The following TCF4 variants were observed in gnomAD, a reference collection of about 807,000 sequenced individuals.
TCF4 encodes SL3-3 enhancer factor 2.
Under a neutral mutation model 82.1 loss-of-function variants are expected in TCF4, and 3 were observed. The observed-to-expected ratio is 0.04, with a 90% CI of 0.02 to 0.09. TCF4 has a LOEUF of 0.09. Among genes scored for constraint, TCF4 ranks in the 10% least tolerant of loss-of-function variants. The pLI, the probability that TCF4 is intolerant of heterozygous loss-of-function variation, is 1.00. For missense variants in TCF4, 518 were observed against 852.7 expected, an observed-to-expected ratio of 0.61 and a Z score of 4.89; for synonymous variants, 276 against 309.6, an observed-to-expected ratio of 0.89 and a Z score of 1.14.
chr18:55,288,811 A>C lies in TCF4; in HGVS notation c.550-9155T>G, dbSNP rs1438778826. Among the ~76,000 whole-genome samples, 3 of 152,352 alleles carry C rather than the reference A, an allele frequency of 2.0e-5. No homozygotes were observed. The East Asian group carries it at 5.8e-4, about 29-fold the overall frequency. On this transcript the variant is annotated intron_variant, in intron 8 of 19. Transcript: ENST00000354452. The stretch of plus-strand genomic sequence containing the variant: ...TATTACTAGAGACAGAGAGAGGCTA[A>C]GTAACCGGCTGAGAGTTACACTAGG...
chr18:55,265,436 T>C (rs964079757), intron 11 of TCF4: 1 of 152,134 alleles, frequency 6.6e-6, no homozygotes, highest in East Asian at 1.9e-4. Flanking sequence ...TAGACTACAA[T>C]GCACTATTTT....
chr18:55,269,780 T>G, intron 11 of TCF4, 51 bp downstream of exon 11: 1 of 1,611,372 alleles, frequency 6.2e-7, no homozygotes, highest in Non-Finnish European at 8.5e-7. Context: ...CCTTGATGAT[T>G]AAACTCTGAC....
chr18:55,358,127 A>G (rs1416435641), intron 6 of TCF4, among the ~76,000 whole-genome samples: 1 of 152,258 alleles, frequency 6.6e-6, no homozygotes, highest in Admixed American at 6.5e-5. Context: ...TATGGCAGCT[A>G]AAAGAGGAAA....
intron 8 of TCF4, among the ~76,000 whole-genome samples, chr18:55,343,564 A>G (rs1202127568): frequency 2.6e-5 from 4 of 152,162 alleles, no homozygotes; most frequent in Non-Finnish European, 5.9e-5. Context: ...AGTGAAATCT[A>G]TCCATCTCAC....
intron 8 of TCF4, among the ~76,000 whole-genome samples, chr18:55,305,082 T>C (rs1391500167): frequency 6.6e-6 from 1 of 152,152 alleles, no homozygotes; most frequent in Non-Finnish European, 1.5e-5. Context: ...AATAAATCTA[T>C]CTGCTAAAGC....
At chr18:55,301,676 G>A (rs756089590) in intron 8 of TCF4, among the ~76,000 whole-genome samples, 9 of 150,860 alleles carry the variant, frequency 6.0e-5, no homozygotes, top group East Asian at 2.0e-4. Flanking sequence ...GCACAGAACC[G>A]TGTAAACACT....
intron 15 of TCF4, 30 bp from the exon 16 acceptor site, chr18:55,234,713 A>G (rs377024911): frequency 1.1e-5 from 17 of 1,613,676 alleles, no homozygotes; most frequent in Non-Finnish European, 1.4e-5. Flanking sequence ...CAGAGAGGTG[A>G]GCAGGAACCG....
Position 55,359,562 on chromosome 18 carries a change from T to C in TCF4, c.370-8559A>G, listed in dbSNP as rs721453. On this transcript the variant is annotated intron_variant, in intron 6 of 19. Transcript: ENST00000354452. Reference sequence around the variant, plus strand: ...ACTGGATAAAATAATTTATTAGCTATGGAAGATGCTTGCATGATTTCAACC... The same window carrying C: ...ACTGGATAAAATAATTTATTAGCTACGGAAGATGCTTGCATGATTTCAACC... Among the ~76,000 whole-genome samples, 1,101 of 152,328 alleles carry C rather than the reference T, an allele frequency of 7.2e-3. 7 individuals are homozygous for C. The highest frequency in any genetic ancestry group is 0.011 in the Non-Finnish European group (739 of 68,028).
At chr18:55,512,297 T>C (rs997728160) in intron 3 of TCF4, among the ~76,000 whole-genome samples, 1 of 152,192 alleles carries the variant, frequency 6.6e-6, no homozygotes, top group African/African-American at 2.4e-5. Flanking sequence ...ATCCATGTGA[T>C]GGAATATTAC....
intron 2 of TCF4, among the ~76,000 whole-genome samples, chr18:55,597,439 C>A (rs1469892479): frequency 6.6e-6 from 1 of 151,960 alleles, no homozygotes; most frequent in African/African-American, 2.4e-5. Context: ...CTGAGGTGGG[C>A]GGATCACCTG....
chr18:55,415,328 T>C (rs1279831338), intron 5 of TCF4, among the ~76,000 whole-genome samples: 1 of 152,168 alleles, frequency 6.6e-6, no homozygotes, highest in Non-Finnish European at 1.5e-5. Flanking sequence ...GCTACAACTT[T>C]ATAATCATGG....
Position 55,304,497 on chromosome 18 carries a change from T to C in TCF4, c.550-24841A>G, listed in dbSNP as rs8093423. Among the ~76,000 whole-genome samples the C allele has an allele frequency of 3.2e-3, 484 of 152,226 alleles. 4 individuals carry two copies. The highest frequency in any genetic ancestry group is 0.011 in the African/African-American group (449 of 41,540). On this transcript the variant is annotated intron_variant, in intron 8 of 19. Transcript: ENST00000354452. ...ACCACTATAGACTGAGGAGATTATA[T>C]GAAAAACAATATCATGCATTTCTTG...
chr18:55,563,238 C>CAAAAA (rs74182105), intron 3 of TCF4, among the ~76,000 whole-genome samples: 1 of 68,162 alleles, frequency 1.5e-5, no homozygotes, highest in Non-Finnish European at 2.8e-5. Flanking sequence ...GACCCTGTCT[C>CAAAAA]AAAAAAAAAA....
At chr18:55,628,278 A>G (rs1367728914) in intron 2 of TCF4, among the ~76,000 whole-genome samples, 1 of 152,162 alleles carries the variant, frequency 6.6e-6, no homozygotes, top group Non-Finnish European at 1.5e-5. Context: ...TCATGTGTAC[A>G]TATGGGAATT....
chr18:55,558,786 T>A (rs2097328399), intron 3 of TCF4, among the ~76,000 whole-genome samples: 1 of 152,134 alleles, frequency 6.6e-6, no homozygotes, highest in South Asian at 2.1e-4. Flanking sequence ...CTTATTTAGG[T>A]CACTCTCCAA....
intron 3 of TCF4, among the ~76,000 whole-genome samples, chr18:55,524,363 A>T (rs965551373): frequency 7.4e-5 from 11 of 148,524 alleles, no homozygotes; most frequent in Non-Finnish European, 1.2e-4. Flanking sequence ...AATTCAATTT[A>T]AAAAAAAAAC....
chr18:55,554,421 C>G (rs978857680), intron 3 of TCF4, among the ~76,000 whole-genome samples: 5 of 151,922 alleles, frequency 3.3e-5, no homozygotes, highest in African/African-American at 1.2e-4. Flanking sequence ...TCTAACTTCC[C>G]TATATATTCT....
At chr18:55,347,906 T>C (rs551274931) in intron 8 of TCF4, among the ~76,000 whole-genome samples, 1 of 152,292 alleles carries the variant, frequency 6.6e-6, no homozygotes, top group East Asian at 1.9e-4. Flanking sequence ...GGAAACCTTT[T>C]ATTATCTCCA....
At chr18:55,594,923 G>A (rs955507952) in intron 2 of TCF4, among the ~76,000 whole-genome samples, 1 of 152,106 alleles carries the variant, frequency 6.6e-6, no homozygotes, top group Non-Finnish European at 1.5e-5. Context: ...ATCTGCATGC[G>A]CTGAACTTTA....
Sources: allele counts gnomAD v4.1 joint callset (sites outside exome capture counted in the v4.1 genomes callset), GRCh38; gene constraint gnomAD v4.1.1; transcripts MANE v1.5; gene names NCBI Gene and HGNC (gene_info 2026-07-23, HGNC 2026-07-21).